BBS2: variants seen among roughly 807,000 people sequenced by gnomAD.
BBS2 encodes Bardet-Biedl syndrome 2.
Under a neutral mutation model 83.0 loss-of-function variants are expected in BBS2, and 62 were observed. That is an observed-to-expected ratio of 0.75 (90% CI 0.61 to 0.92). The LOEUF (loss-of-function observed/expected upper bound fraction) is 0.92, where lower values mean the gene tolerates loss of function less well. BBS2 is among the 40% of genes least tolerant of loss of function. BBS2 has a pLI of 0.00. For synonymous variants in BBS2, 303 were observed against 326.1 expected, an observed-to-expected ratio of 0.93 and a Z score of 0.76; for missense variants, 784 against 901.0, an observed-to-expected ratio of 0.87 and a Z score of 1.66.
Position 56,502,382 on chromosome 16 carries a change from G to A in BBS2, c.1015C>T (p.Arg339Ter), listed in dbSNP as rs193922710. 4 of 1,614,166 alleles carry A rather than the reference G, an allele frequency of 2.5e-6. No homozygotes were observed. Among genetic ancestry groups the A allele is most frequent in the Non-Finnish European group, 3.4e-6 (4 of 1,180,040 alleles). The change falls in exon 9 of 17, where the codon CGA (arginine) becomes TGA (stop). Residue 339 changes from arginine (R) to a stop codon, truncating the protein, a stop_gained. Transcript: ENST00000245157. LOFTEE classifies it high-confidence loss of function. Reference protein sequence around the residue: ...MDTSAEQDLIRELSQKKQNLL... With the variant: ...MDTSAEQDLI Reference sequence around the variant, plus strand: ...TTCTGCTTCTTCTGACTCAGCTCTCGGATCAGGTCCTGCTCTGCACTGGTG... The same window carrying A: ...TTCTGCTTCTTCTGACTCAGCTCTCAGATCAGGTCCTGCTCTGCACTGGTG...
intron 17 of BBS2, chr16:56,476,366 G>A (rs1025917251): frequency 1.7e-5 from 9 of 523,778 alleles, no homozygotes; most frequent in Non-Finnish European, 2.5e-5. Flanking sequence ...GTCCTCAACC[G>A]AGACCTTGAG....
intron 17 of BBS2, among the ~76,000 whole-genome samples, chr16:56,473,264 A>G (rs1963289315): frequency 6.6e-6 from 1 of 152,188 alleles, no homozygotes; most frequent in South Asian, 2.1e-4. Context: ...GCTTTCCAAC[A>G]TTGCATTTCT....
chr16:56,500,692 T>C, intron 11 of BBS2, 162 bp downstream of exon 11: 1 of 670,560 alleles, frequency 1.5e-6, no homozygotes. Flanking sequence ...TTTTTACAGG[T>C]TTCAAACTGA....
At chr16:56,510,818 T>G in intron 4 of BBS2, 41 bp downstream of exon 4, 1 of 1,605,498 alleles carries the variant, frequency 6.2e-7, no homozygotes, top group Non-Finnish European at 8.5e-7. Flanking sequence ...CAAAATTCAT[T>G]TGGCTGAACA....
rs1963719813 is a variant in BBS2 at position 56,484,439 on chromosome 16, A to G, written c.*322T>C. ...TAGATAATCTATTTGAAAAGTACAA[A>G]CTCAATTGCAATTTCAAGAAAAAAA... On this transcript the variant is annotated 3_prime_UTR_variant, in exon 17 of 17. Coordinates refer to ENST00000245157, the MANE Select transcript of BBS2 (RefSeq NM_031885.5). The G allele has an allele frequency of 9.6e-6, 2 of 207,314 alleles. No individual in the cohort carries two copies. The highest frequency in any genetic ancestry group is 4.6e-5 in the African/African-American group (2 of 43,512). 12.8% of individuals were successfully genotyped at this position (207,314 alleles called of 1,614,324 possible). A position where few individuals can be genotyped will look rare whatever the true frequency, so the allele number is the denominator to read the frequency against.
chr16:56,499,588 CAAAG>C, intron 12 of BBS2, 186 bp downstream of exon 12: 2 of 645,898 alleles, frequency 3.1e-6, no homozygotes, highest in Non-Finnish European at 5.2e-6. Flanking sequence ...GATGCTTTTT[CAAAG>C]TGAGAGAAGG....
Position 56,501,515 on chromosome 16 carries a change from C to A in BBS2, c.1081-18G>T, listed in dbSNP as rs142558653. ...AATTCAGCCTGCAAAACACCCCACC[C>A]ATTTCCTACTCAGTCACCAAAACAC... On this transcript the variant is annotated intron_variant, in intron 9 of 16. Coordinates refer to ENST00000245157, the MANE Select transcript of BBS2 (RefSeq NM_031885.5). The A allele has an allele frequency of 3.4e-4, 546 of 1,614,102 alleles. 4 individuals carry two copies. The African/African-American group carries it at 6.0e-3, about 18-fold the overall frequency.
chr16:56,481,957 A>C (rs774861436), downstream of BBS2, among the ~76,000 whole-genome samples: 1 of 152,214 alleles, frequency 6.6e-6, no homozygotes, highest in Non-Finnish European at 1.5e-5. Flanking sequence ...CTCATCTGTG[A>C]AACAGACACC....
In BBS2 at chr16:56,501,361, G is replaced by A. The variant is rs1431660492; in HGVS notation, c.1217C>T (p.Thr406Ile). Reference protein sequence around the residue: ...QTAHTELRISTSNDTIIRAVL... With the variant: ...QTAHTELRISISNDTIIRAVL... Reference sequence around the variant, plus strand: ...TGTGAGTACTGTCTTACCATTAGAAGTGGAAATGCGTAATTCTGTATGAGC... The same window carrying A: ...TGTGAGTACTGTCTTACCATTAGAAATGGAAATGCGTAATTCTGTATGAGC... The change falls in exon 10 of 17, where the codon ACT becomes ATT. Residue 406 changes from threonine (T) to isoleucine (I), a missense_variant. Transcript: ENST00000245157. 6.2e-7 allele frequency: 1 copy of A among 1,613,958 alleles called. No homozygotes were observed. The highest frequency in any genetic ancestry group is 8.5e-7 in the Non-Finnish European group (1 of 1,179,980).
intron 7 of BBS2, among the ~76,000 whole-genome samples, chr16:56,504,572 G>C (rs1357816822): frequency 6.6e-6 from 1 of 152,152 alleles, no homozygotes; most frequent in Non-Finnish European, 1.5e-5. Context: ...ATTTCTGTTA[G>C]ATGTAGATAA....
rs775700581 is a variant in BBS2, at chr16:56,509,946, G to A, written c.612+11C>T. ...CTCAAGGTTACCATAGTTCGAGGTG[G>A]AGCTTCTTACCTCTGTTTCTGTCAT... On this transcript the variant is annotated intron_variant, in intron 5 of 16. Transcript: ENST00000245157. 1.9e-6 allele frequency: 3 copies of A among 1,613,620 alleles called. No homozygotes were observed. The highest frequency in any genetic ancestry group is 2.5e-6 in the Non-Finnish European group (3 of 1,179,678).
chr16:56,483,982 T>C (rs1963704463), downstream of BBS2, among the ~76,000 whole-genome samples: 2 of 146,360 alleles, frequency 1.4e-5, no homozygotes, highest in Non-Finnish European at 3.0e-5. Flanking sequence ...ATTATAGGTG[T>C]GAGCCACTGA....
At chr16:56,471,197 C>CA (rs61143039) in intron 17 of BBS2, among the ~76,000 whole-genome samples, 38,728 of 132,756 alleles carry the variant, frequency 0.29, 5,158 homozygotes, top group South Asian at 0.39. Context: ...ACTAAAAATA[C>CA]AAAAAAAAAA....
At chr16:56,505,830 A>G in intron 7 of BBS2, 120 bp downstream of exon 7, 1 of 774,208 alleles carries the variant, frequency 1.3e-6, no homozygotes, top group Admixed American at 1.9e-5. Context: ...AAATGTAAAA[A>G]CATTGCCAAG....
At chr16:56,474,809 T>C (rs778116089) in intron 17 of BBS2, 85 of 1,578,390 alleles carry the variant, frequency 5.4e-5, no homozygotes, top group Non-Finnish European at 7.1e-5. Flanking sequence ...AAGTTTCTCA[T>C]CTTTTTTTTT....
At chr16:56,476,181 C>G (rs191878947) in intron 17 of BBS2, 2 of 1,612,158 alleles carry the variant, frequency 1.2e-6, no homozygotes, top group Admixed American at 3.3e-5. Context: ...GTTTCTGGGA[C>G]TTTTCATTCA....
intron 15 of BBS2, among the ~76,000 whole-genome samples, chr16:56,491,410 CAT>C (rs1352921577): frequency 6.6e-6 from 1 of 152,204 alleles, no homozygotes; most frequent in Non-Finnish European, 1.5e-5. Context: ...CCTCTTCACA[CAT>C]GTCCCCTTCT....
chr16:56,498,345 T>G, intron 13 of BBS2, 92 bp downstream of exon 13: 435 of 1,503,642 alleles, frequency 2.9e-4, no homozygotes, highest in Non-Finnish European at 3.5e-4. Flanking sequence ...AAACACCACA[T>G]GAGAAATCTA....
Position 56,497,089 on chromosome 16 carries a change from A to G in BBS2, c.1798-10T>C, listed in dbSNP as rs1964135497. On this transcript the variant is annotated splice_polypyrimidine_tract_variant and intron_variant, in intron 14 of 16. Coordinates refer to ENST00000245157, the MANE Select transcript of BBS2 (RefSeq NM_031885.5). ...AATGATATTCATCCACCTGGAGACC[A>G]TGAACACTCAGGAATGAAAAAGGCC... 3 of 1,567,170 alleles carry G rather than the reference A, an allele frequency of 1.9e-6. No homozygotes were observed. The highest frequency in any genetic ancestry group is 2.6e-6 in the Non-Finnish European group (3 of 1,137,200).
Sources: allele counts gnomAD v4.1 joint callset (sites outside exome capture counted in the v4.1 genomes callset), GRCh38; gene constraint gnomAD v4.1.1; transcripts MANE v1.5; gene names NCBI Gene and HGNC (gene_info 2026-07-23, HGNC 2026-07-21).